RUFY2: variants seen among roughly 807,000 people sequenced by gnomAD.
RUFY2 encodes the protein RUN and FYVE domain-containing protein 2.
Under a neutral mutation model 94.4 loss-of-function variants are expected in RUFY2, and 49 were observed. That is an observed-to-expected ratio of 0.52 (90% CI 0.41 to 0.66). RUFY2 has a LOEUF of 0.66. RUFY2 is among the 30% of genes least tolerant of loss of function. RUFY2 has a pLI of 0.00. For synonymous variants in RUFY2, 255 were observed against 235.7 expected, an observed-to-expected ratio of 1.08 and a Z score of -0.75; for missense variants, 541 against 692.8, an observed-to-expected ratio of 0.78 and a Z score of 2.46.
chr10:68,386,184 G>GAA, intron 7 of RUFY2, 56 bp from the exon 8 acceptor site: 1 of 1,364,560 alleles, frequency 7.3e-7, no homozygotes, highest in Non-Finnish European at 1.0e-6. Context: ...AAAAAGGCAC[G>GAA]AAAAAATATG....
At chr10:68,355,263 G>C (rs1210110755) in intron 16 of RUFY2, 90 bp downstream of exon 16, 3 of 915,816 alleles carry the variant, frequency 3.3e-6, no homozygotes, top group Non-Finnish European at 5.3e-6. Flanking sequence ...ATATATCCTG[G>C]GGTTAATAAT....
At chr10:68,379,956 C>T (rs1285068831) in intron 11 of RUFY2, among the ~76,000 whole-genome samples, 2 of 151,872 alleles carry the variant, frequency 1.3e-5, no homozygotes, top group African/African-American at 4.8e-5. Context: ...TACAGGTGCC[C>T]GCCACTGCGC....
At chr10:68,363,924 T>C in intron 14 of RUFY2, 60 bp downstream of exon 14, 1 of 1,302,170 alleles carries the variant, frequency 7.7e-7, no homozygotes, top group Non-Finnish European at 1.1e-6. Flanking sequence ...TTATGATTTA[T>C]CTTTTTAAAT....
intron 3 of RUFY2, 118 bp downstream of exon 3, chr10:68,401,502 G>A (rs1002735876): frequency 4.6e-6 from 3 of 646,980 alleles, no homozygotes; most frequent in Admixed American, 2.3e-5. Context: ...ATTATAAGAG[G>A]ATTAGAAGAA....
At chr10:68,362,883 G>A (rs1014486112) in intron 15 of RUFY2, among the ~76,000 whole-genome samples, 5 of 152,126 alleles carry the variant, frequency 3.3e-5, no homozygotes, top group African/African-American at 9.7e-5. Flanking sequence ...CAAACTGTAT[G>A]AAGTTAAGCC....
chr10:68,342,093 C>T (rs1192577271), downstream of RUFY2: 1 of 1,431,912 alleles, frequency 7.0e-7, no homozygotes, highest in Middle Eastern at 2.1e-4. Context: ...ACAACAGCAT[C>T]TGGTCTACTA....
At chr10:68,393,853 A>T in intron 6 of RUFY2, 2 of 944,896 alleles carry the variant, frequency 2.1e-6, no homozygotes, top group Non-Finnish European at 2.9e-6. Context: ...CTACAGGTAT[A>T]ACCAAAGGTC....
At chr10:68,405,492 AT>A (rs2051220721) in intron 1 of RUFY2, 1 of 965,590 alleles carries the variant, frequency 1.0e-6, no homozygotes, top group Non-Finnish European at 1.2e-6. Flanking sequence ...ATGGAGATAA[AT>A]TTGGGGTGAG....
Position 68,376,927 on chromosome 10 carries a change from A to G in RUFY2, c.1251T>C (p.Asp417=). The G allele has an allele frequency of 1.2e-6, 2 of 1,613,760 alleles. No individual in the cohort carries two copies. Among genetic ancestry groups the G allele is most frequent in the Non-Finnish European group, 1.7e-6 (2 of 1,179,868 alleles). Residue 417 remains aspartate (D), a synonymous_variant, in exon 13 of 18, where the codon GAT becomes GAC. Coordinates refer to ENST00000602465, the MANE Select transcript of RUFY2 (RefSeq NM_001330103.2). The stretch of plus-strand genomic sequence containing the variant: ...TGAGACATTCTTGTAGATATTTCTC[A>G]TCCTCATCTTCAGCTTCCATTTGCG... ...EKAQMEAEDE[D]EKYLQECLSK... is the part of the protein sequence containing the mutation.
chr10:68,349,705 A>AT (rs2046531291), intron 16 of RUFY2, among the ~76,000 whole-genome samples: 1 of 151,562 alleles, frequency 6.6e-6, no homozygotes, highest in Non-Finnish European at 1.5e-5. Context: ...CACCCAGCTA[A>AT]TTTTTTGTAT....
intron 7 of RUFY2, among the ~76,000 whole-genome samples, chr10:68,388,297 T>C (rs1282899780): frequency 6.6e-6 from 1 of 151,850 alleles, no homozygotes; most frequent in Non-Finnish European, 1.5e-5. Context: ...ACCCTGTCTC[T>C]ACTAAAAATA....
intron 12 of RUFY2, chr10:68,377,744 A>C (rs2048768961): frequency 3.0e-6 from 3 of 984,316 alleles, no homozygotes; most frequent in Non-Finnish European, 3.6e-6. Flanking sequence ...CTTGTATTTA[A>C]CTTCAATATT....
At position 68,381,382 on chromosome 10, in the gene RUFY2, T is replaced by C; in HGVS notation, c.957A>G (p.Leu319=). 1 of 1,611,640 alleles carries C rather than the reference T, an allele frequency of 6.2e-7. No individual in the cohort carries two copies. Among genetic ancestry groups the C allele is most frequent in the Non-Finnish European group, 8.5e-7 (1 of 1,179,364 alleles). ...SQLRQDVENE[L]AVQVSMKHEI... ...CATGCTTCATACTAACTTGTACTGC[T>C]AGCTCATTCTCTACATCCTGCAATT... Residue 319 remains leucine, a synonymous_variant, in exon 11 of 18, where the codon CTA becomes CTG. Transcript: ENST00000602465.
chr10:68,346,236 G>A, intron 16 of RUFY2, 152 bp from the exon 17 acceptor site: 4 of 629,506 alleles, frequency 6.4e-6, no homozygotes, highest in Non-Finnish European at 1.1e-5. Flanking sequence ...ATGTAAATAT[G>A]TATGGAATTA....
At chr10:68,382,956 G>C (rs1253717725) in intron 10 of RUFY2, among the ~76,000 whole-genome samples, 1 of 152,100 alleles carries the variant, frequency 6.6e-6, no homozygotes, top group African/African-American at 2.4e-5. Flanking sequence ...ATGTCATTCT[G>C]TTCTATTTCA....
At chr10:68,376,298 G>A (rs1451948115) in intron 13 of RUFY2, among the ~76,000 whole-genome samples, 2 of 139,970 alleles carry the variant, frequency 1.4e-5, no homozygotes, top group South Asian at 2.4e-4. Context: ...GTGGTGGCAG[G>A]CACCTGTAAT....
Position 68,345,579 on chromosome 10 carries a change from T to C in RUFY2, c.*189A>G, listed in dbSNP as rs1298946550. On this transcript the variant is annotated 3_prime_UTR_variant, in exon 18 of 18. Transcript: ENST00000602465. ...ATTTTTAAGCATGCTCTGTTGAAAA[T>C]ACATTTTGAAAAACAATGGGGAAGG... The C allele has an allele frequency of 1.9e-6, 1 of 521,468 alleles. No homozygotes were observed. Among genetic ancestry groups the C allele is most frequent in the Admixed American group, 3.7e-5 (1 of 26,714 alleles). 32.3% of individuals were successfully genotyped at this position (521,468 alleles called of 1,614,324 possible).
At chr10:68,351,504 C>T (rs1275804540) in intron 16 of RUFY2, among the ~76,000 whole-genome samples, 1 of 139,838 alleles carries the variant, frequency 7.2e-6, no homozygotes, top group African/African-American at 2.7e-5. Flanking sequence ...GGCGGGAGTG[C>T]AGTGGTGCAA....
At chr10:68,376,783 A>G in intron 13 of RUFY2, 70 bp downstream of exon 13, 1 of 1,444,770 alleles carries the variant, frequency 6.9e-7, no homozygotes, top group Non-Finnish European at 9.7e-7. Context: ...TTGGTATTCT[A>G]TCATTATGTG....
Sources: gnomAD v4.1 joint callset for allele counts (sites outside exome capture counted in the v4.1 genomes callset) on GRCh38, gnomAD v4.1.1 for gene constraint, MANE v1.5 for transcripts, NCBI Gene and HGNC (gene_info 2026-07-23, HGNC 2026-07-21) for gene names.